DOK6: variants seen among roughly 807,000 people sequenced by gnomAD.
DOK6 encodes docking protein 6.
Under a neutral mutation model 44.0 loss-of-function variants are expected in DOK6, and 22 were observed. The observed-to-expected ratio is 0.50, with a 90% CI of 0.36 to 0.71. DOK6 has a LOEUF of 0.71. Among genes scored for constraint, DOK6 ranks in the 30% least tolerant of loss-of-function variants. The pLI, the probability that DOK6 is intolerant of heterozygous loss-of-function variation, is 0.00. For synonymous variants in DOK6, 166 were observed against 145.5 expected, an observed-to-expected ratio of 1.14 and a Z score of -1.01; for missense variants, 340 against 416.4, an observed-to-expected ratio of 0.82 and a Z score of 1.60.
In DOK6 at chr18:69,703,053, A is replaced by G. The variant is rs1399390176; in HGVS notation, c.599+4460A>G. Among the ~76,000 whole-genome samples, 15 of 17,366 alleles carry G rather than the reference A, an allele frequency of 8.6e-4. No individual in the cohort carries two copies. The East Asian group carries it at 0.078, about 90-fold the overall frequency. 11.4% of individuals were successfully genotyped at this position (17,366 alleles called of 152,430 possible). A position where few individuals can be genotyped will look rare whatever the true frequency, so the allele number is the denominator to read the frequency against. ...TTAATTAATGCTCTCTCCGAGGGGG[A>G]AAAAAAAAAAGCAGACCTGGTATTA... On this transcript the variant is annotated intron_variant, in intron 5 of 7. Coordinates refer to ENST00000382713, the MANE Select transcript of DOK6 (RefSeq NM_152721.6).
intron 5 of DOK6, among the ~76,000 whole-genome samples, chr18:69,727,232 C>T (rs1978314169): frequency 6.6e-6 from 1 of 152,136 alleles, no homozygotes; most frequent in South Asian, 2.1e-4. Flanking sequence ...CTCCCAAAGG[C>T]CACACCTCTC....
chr18:69,744,997 A>G (rs928901131), intron 6 of DOK6, among the ~76,000 whole-genome samples: 7 of 151,634 alleles, frequency 4.6e-5, no homozygotes, highest in Middle Eastern at 3.2e-3. Context: ...CTGCGTAAGG[A>G]CACGAAGGAG....
At chr18:69,749,145 G>T (rs1979085220) in intron 6 of DOK6, among the ~76,000 whole-genome samples, 2 of 152,162 alleles carry the variant, frequency 1.3e-5, no homozygotes, top group East Asian at 1.9e-4. Flanking sequence ...ACACACACTG[G>T]GGCCTGTTGG....
intron 7 of DOK6, among the ~76,000 whole-genome samples, chr18:69,797,160 T>C (rs1326990815): frequency 2.6e-5 from 4 of 152,178 alleles, no homozygotes; most frequent in South Asian, 4.1e-4. Context: ...CCCCAAATGA[T>C]AGGGCTTCTC....
At chr18:69,589,298 G>A (rs62097160) in intron 2 of DOK6, among the ~76,000 whole-genome samples, 49,135 of 151,566 alleles carry the variant, frequency 0.32, 8,455 homozygotes, top group Middle Eastern at 0.45. Context: ...TCCTAATAAA[G>A]TTGTATTAAA....
At chr18:69,598,578 T>A (rs1250784353) in intron 2 of DOK6, among the ~76,000 whole-genome samples, 1 of 152,172 alleles carries the variant, frequency 6.6e-6, no homozygotes, top group Non-Finnish European at 1.5e-5. Flanking sequence ...AATTCGCACC[T>A]TGATAAGCAG....
intron 1 of DOK6, among the ~76,000 whole-genome samples, chr18:69,416,145 G>A (rs924348732): frequency 7.1e-6 from 1 of 139,882 alleles, no homozygotes; most frequent in African/African-American, 2.7e-5. Flanking sequence ...AGGGAGGGAC[G>A]GAGGGAGGGA....
intron 5 of DOK6, among the ~76,000 whole-genome samples, chr18:69,708,028 C>T (rs945788574): frequency 2.0e-5 from 3 of 152,158 alleles, no homozygotes; most frequent in African/African-American, 7.2e-5. Flanking sequence ...CGGATTTTAG[C>T]TGCTGGAGAT....
Position 69,843,088 on chromosome 18 carries a change from C to A in DOK6, c.*1705C>A, listed in dbSNP as rs1352430962. The stretch of plus-strand genomic sequence containing the variant: ...TCCCTCCTAGATAAATGTGCACTTA[C>A]AGCAACTACCTAGGCTCTCCAAATC... On this transcript the variant is annotated 3_prime_UTR_variant, in exon 8 of 8. Coordinates refer to ENST00000382713, the MANE Select transcript of DOK6 (RefSeq NM_152721.6). 1 of 152,142 alleles carries A rather than the reference C, an allele frequency of 6.6e-6. No homozygotes were observed. The highest frequency in any genetic ancestry group is 2.4e-5 in the African/African-American group (1 of 41,428). The allele number at this position is 152,142 out of a possible 1,614,324, so 9.4% of individuals were successfully genotyped here.
intron 1 of DOK6, among the ~76,000 whole-genome samples, chr18:69,530,588 A>C (rs140675627): frequency 1.4e-4 from 22 of 152,186 alleles, no homozygotes; most frequent in African/African-American, 4.8e-4. Flanking sequence ...GTATCAATGA[A>C]AAAAAAATGA....
chr18:69,415,515 T>C (rs1978326670), intron 1 of DOK6, among the ~76,000 whole-genome samples: 1 of 152,088 alleles, frequency 6.6e-6, no homozygotes, highest in African/African-American at 2.4e-5. Flanking sequence ...ATATGAATTT[T>C]AAATGATCAT....
At chr18:69,833,259 G>C (rs1225755472) in intron 7 of DOK6, among the ~76,000 whole-genome samples, 3 of 151,986 alleles carry the variant, frequency 2.0e-5, no homozygotes, top group Non-Finnish European at 4.4e-5. Context: ...ATAAATCCAC[G>C]TGCTTACAGC....
chr18:69,773,938 T>C lies in DOK6; in HGVS notation c.856+16065T>C, dbSNP rs193051066. Among the ~76,000 whole-genome samples the C allele has an allele frequency of 3.3e-4, 50 of 150,840 alleles. No homozygotes were observed. In the Middle Eastern group the frequency reaches 0.014, roughly 41 times the overall value. ...TACCTACCCAGAGGAAAAGAAGTCA[T>C]TATACAAAAAAAAGATACTTGCACA... On this transcript the variant is annotated intron_variant, in intron 7 of 7. Coordinates refer to ENST00000382713, the MANE Select transcript of DOK6 (RefSeq NM_152721.6).
chr18:69,478,196 G>A (rs73468827), intron 1 of DOK6, among the ~76,000 whole-genome samples: 1,681 of 152,198 alleles, frequency 0.011, 38 homozygotes, highest in African/African-American at 0.039. Context: ...TCCGAATCAC[G>A]CTATTTTGGG....
chr18:69,780,739 T>C (rs1469343872), intron 7 of DOK6, among the ~76,000 whole-genome samples: 2 of 152,240 alleles, frequency 1.3e-5, no homozygotes, highest in Non-Finnish European at 2.9e-5. Flanking sequence ...TATGCGAGTA[T>C]ATTCATTATT....
intron 5 of DOK6, among the ~76,000 whole-genome samples, chr18:69,736,301 A>G (rs1288520290): frequency 2.9e-5 from 4 of 138,830 alleles, no homozygotes; most frequent in Non-Finnish European, 6.5e-5. Flanking sequence ...TAATTTCCCT[A>G]TATCACAATG....
At chr18:69,788,099 C>T (rs1450710098) in intron 7 of DOK6, among the ~76,000 whole-genome samples, 6 of 152,088 alleles carry the variant, frequency 3.9e-5, no homozygotes, top group Non-Finnish European at 1.5e-5. Context: ...AGAACTCTTG[C>T]GTGGAATCCT....
chr18:69,580,740 T>C (rs146326787), intron 2 of DOK6, among the ~76,000 whole-genome samples: 53 of 152,274 alleles, frequency 3.5e-4, no homozygotes, highest in African/African-American at 1.1e-3. Context: ...TTGTTAATTA[T>C]AGTCACCTTA....
chr18:69,549,500 A>G lies in DOK6; in HGVS notation c.67-14987A>G, dbSNP rs1186886337. 2.0e-5 allele frequency among the ~76,000 whole-genome samples: 3 copies of G among 151,722 alleles called. No homozygotes were observed. In the East Asian group the frequency reaches 5.8e-4, roughly 29 times the overall value. ...TTCTTATCGTGAAAGTTAACATTTT[A>G]AAGTTCATAATCCATTACCCCATTT... On this transcript the variant is annotated intron_variant, in intron 1 of 7. Transcript: ENST00000382713.
Sources: allele counts gnomAD v4.1 joint callset (sites outside exome capture counted in the v4.1 genomes callset), GRCh38; gene constraint gnomAD v4.1.1; transcripts MANE v1.5; gene names NCBI Gene and HGNC (gene_info 2026-07-23, HGNC 2026-07-21).